SPAG5: variants seen among roughly 807,000 people sequenced by gnomAD.
SPAG5 encodes sperm associated antigen 5.
A neutral mutation model predicts 145.4 loss-of-function variants in SPAG5; 99 were observed. That is an observed-to-expected ratio of 0.68 (90% confidence interval 0.58 to 0.80). The LOEUF (loss-of-function observed/expected upper bound fraction) is 0.80. SPAG5 is among the 30% of genes least tolerant of loss of function. The probability of loss-of-function intolerance (pLI) is 0.00; values close to 1 mark genes in which losing one functional copy is unlikely to be tolerated. For missense variants in SPAG5, 1,192 were observed against 1,416.0 expected (o/e 0.84, Z 2.54); for synonymous variants, 477 against 525.4 (o/e 0.91, Z 1.26).
chr17:28,579,435 C>T lies in SPAG5; in HGVS notation c.2935G>A (p.Glu979Lys). 2 of 1,614,096 alleles carry T rather than the reference C, an allele frequency of 1.2e-6. No homozygotes were observed. Among genetic ancestry groups the T allele is most frequent in the Middle Eastern group, 1.7e-4 (1 of 6,060 alleles). Residue 979 changes from glutamate (E) to lysine (K), a missense_variant, in exon 18 of 24, where the codon GAG (glutamate) becomes AAG (lysine). Transcript: ENST00000321765. ...AGCAGGGAACAAAGACTCTGAAGCTCAGTAGTCATAATACTCATTTCTGCC... is the reference window on the plus strand; with the variant it reads ...AGCAGGGAACAAAGACTCTGAAGCTTAGTAGTCATAATACTCATTTCTGCC... ...SLAEMSIMTT[E>K]LQSLCSLLQE...
intron 2 of SPAG5, among the ~76,000 whole-genome samples, chr17:28,596,762 G>A (rs556822250): frequency 2.6e-5 from 4 of 152,240 alleles, no homozygotes; most frequent in East Asian, 1.9e-4. Flanking sequence ...ATCTTAAGCT[G>A]TACTGTCTAA....
chr17:28,598,951 A>T lies in SPAG5; in HGVS notation c.-5T>A, dbSNP rs755082186. Reference sequence around the variant, plus strand: ...CAGTTTTTTCACTCGCCACATCTTCAACCAGAAGGCAGGCCTATCACGTCT... The same window carrying T: ...CAGTTTTTTCACTCGCCACATCTTCTACCAGAAGGCAGGCCTATCACGTCT... On this transcript the variant is annotated 5_prime_UTR_variant, in exon 1 of 24. Coordinates refer to ENST00000321765, the MANE Select transcript of SPAG5 (RefSeq NM_006461.4). 6.2e-7 allele frequency: 1 copy of T among 1,613,888 alleles called. No individual in the cohort carries two copies. Among genetic ancestry groups the T allele is most frequent in the Non-Finnish European group, 8.5e-7 (1 of 1,179,854 alleles).
chr17:28,585,636 C>A lies in SPAG5; in HGVS notation c.1758G>T (p.Glu586Asp). The change falls in exon 8 of 24, where the codon GAG becomes GAT. Residue 586 changes from glutamate (E) to aspartate (D), a missense_variant. This residue lies in a region of SPAG5 where 709 missense variants were observed against 840.7 expected (regional missense o/e 0.84). Coordinates refer to ENST00000321765, the MANE Select transcript of SPAG5 (RefSeq NM_006461.4). ...RGKDAAEIVL[E>D]AFCAHASQRI... ...GCTGGCTGGCGTGTGCACAGAAAGC[C>A]TCCAACACTATCTCTGCCTATTGAG... The A allele has an allele frequency of 6.2e-7, 1 of 1,613,936 alleles. No individual in the cohort carries two copies. The highest frequency in any genetic ancestry group is 8.5e-7 in the Non-Finnish European group (1 of 1,180,032).
In SPAG5 at chr17:28,592,322, G is replaced by A. The variant is rs765203674; in HGVS notation, c.922C>T (p.Leu308=). The A allele has an allele frequency of 6.2e-7, 1 of 1,614,178 alleles. No individual in the cohort carries two copies. Among genetic ancestry groups the A allele is most frequent in the Non-Finnish European group, 8.5e-7 (1 of 1,180,032 alleles). Residue 308 remains leucine, a synonymous_variant, in exon 3 of 24, where the codon CTG becomes TTG. Coordinates refer to ENST00000321765, the MANE Select transcript of SPAG5 (RefSeq NM_006461.4). The part of the protein sequence containing the change: ...SSVEDILSTC[L]TPNLVEMESQ... ...TCCATTTCTACTAGATTTGGTGTCA[G>A]GCATGTGGACAGAATATCTTCCACA... is the stretch of plus-strand genomic sequence containing the variant.
chr17:28,596,041 C>T (rs1161804779), intron 2 of SPAG5, among the ~76,000 whole-genome samples: 5 of 149,576 alleles, frequency 3.3e-5, no homozygotes, highest in African/African-American at 4.9e-5. Context: ...AGCAAGACTC[C>T]GTCTCAAAAA....
In SPAG5 at chr17:28,584,738, C is replaced by T. The variant is rs1419451225; in HGVS notation, c.2075G>A (p.Arg692Lys). The change falls in exon 11 of 24, where the codon AGG becomes AAG. Residue 692 changes from arginine (R) to lysine (K), a missense_variant. This residue lies in a region of SPAG5 where 709 missense variants were observed against 840.7 expected (regional missense o/e 0.84). Coordinates refer to ENST00000321765, the MANE Select transcript of SPAG5 (RefSeq NM_006461.4). ...VAIEEKQEVSRVLEQVSAQLE... is the reference protein window; with the variant it reads ...VAIEEKQEVSKVLEQVSAQLE... ...CTGGGCAGAGACTTGTTCCAGCACC[C>T]TAGAAACCTAGGAAGAACAGATGGT... is the stretch of plus-strand genomic sequence containing the variant. 3 of 1,612,422 alleles carry T rather than the reference C, an allele frequency of 1.9e-6. No homozygotes were observed. The East Asian group carries it at 6.7e-5, about 36-fold the overall frequency.
chr17:28,583,134 C>A (rs1395055894), intron 15 of SPAG5, among the ~76,000 whole-genome samples: 1 of 152,178 alleles, frequency 6.6e-6, no homozygotes, highest in Non-Finnish European at 1.5e-5. Flanking sequence ...CACAACACTA[C>A]ACCTGGGCTA....
chr17:28,592,730 C>G lies in SPAG5; in HGVS notation c.514G>C (p.Glu172Gln), dbSNP rs1429916570. 4 of 1,614,222 alleles carry G rather than the reference C, an allele frequency of 2.5e-6. No individual in the cohort carries two copies. The Admixed American group carries it at 6.7e-5, about 27-fold the overall frequency. Residue 172 changes from glutamate (E) to glutamine (Q), a missense_variant, in exon 3 of 24, where the codon GAG becomes CAG. Glu to Gln is a conservative substitution (Grantham distance 29). Coordinates refer to ENST00000321765, the MANE Select transcript of SPAG5 (RefSeq NM_006461.4). ...GPLRTDDLVR[E>Q]EVAPCMGDRF... ...TCTCCCATGCAGGGTGCCACCTCCT[C>G]TCTCACCAGATCGTCTGTTCTCAAA...
Position 28,595,864 on chromosome 17 carries a change from T to C in SPAG5, c.177+2646A>G, listed in dbSNP as rs143191346. On this transcript the variant is annotated intron_variant, in intron 2 of 23. Coordinates refer to ENST00000321765, the MANE Select transcript of SPAG5 (RefSeq NM_006461.4). The stretch of plus-strand genomic sequence containing the variant: ...TTCAAGACCAGCCTGACCCCCAACA[T>C]GGTGAAACCCTGTCTCTACTAAAAA... Among the ~76,000 whole-genome samples the C allele has an allele frequency of 4.3e-4, 65 of 152,090 alleles. 2 individuals carry two copies. The East Asian group carries it at 0.01, about 24-fold the overall frequency.
intron 15 of SPAG5, among the ~76,000 whole-genome samples, chr17:28,581,800 T>C (rs2083627728): frequency 6.6e-6 from 1 of 152,212 alleles, no homozygotes; most frequent in Admixed American, 6.5e-5. Context: ...CCCTCCCGTC[T>C]GGGTGTCTGA....
At chr17:28,587,315 G>C (rs1333007104) in intron 4 of SPAG5, among the ~76,000 whole-genome samples, 1 of 151,554 alleles carries the variant, frequency 6.6e-6, no homozygotes, top group Non-Finnish European at 1.5e-5. Flanking sequence ...GGGAGGTCAA[G>C]GCGGGCGGAT....
rs1270470374 is a variant in SPAG5, at chr17:28,592,100, A to G, written c.1144T>C (p.Cys382Arg). The change falls in exon 3 of 24, where the codon TGC (cysteine) becomes CGC (arginine). Residue 382 changes from cysteine (C) to arginine (R), a missense_variant. This residue lies in a region of SPAG5 where 125 missense variants were observed against 143.8 expected (regional missense o/e 0.87). Transcript: ENST00000321765. ...GGAGTAAACCAAGTCCCCACCGAGC[A>G]AGTAGAGAAAGGGGTAGTGCCAATT... ...AAIGTTPFST[C>R]SVGTWFTPSA... 5.6e-6 allele frequency: 9 copies of G among 1,614,140 alleles called. No homozygotes were observed. The Admixed American group carries it at 6.7e-5, about 12-fold the overall frequency.
intron 2 of SPAG5, among the ~76,000 whole-genome samples, chr17:28,596,887 C>T (rs1318931836): frequency 6.6e-6 from 1 of 151,742 alleles, no homozygotes; most frequent in Non-Finnish European, 1.5e-5. Context: ...GGGCAGATCA[C>T]CTGAGGTCAG....
chr17:28,585,025 A>C, intron 10 of SPAG5, 77 bp downstream of exon 10: 3 of 1,349,468 alleles, frequency 2.2e-6, no homozygotes, highest in Middle Eastern at 3.6e-4. Context: ...AAGAAAACAG[A>C]TCCAGGGTAA....
chr17:28,579,856 A>C lies in SPAG5; in HGVS notation c.2798-19T>G. On this transcript the variant is annotated intron_variant, in intron 16 of 23. Coordinates refer to ENST00000321765, the MANE Select transcript of SPAG5 (RefSeq NM_006461.4). ...TCTGGCTCTAAGAGAAAAACCAATA[A>C]TGGGAGAGGGCCCCTCTGATGATCC... 1.9e-6 allele frequency: 3 copies of C among 1,605,078 alleles called. No individual in the cohort carries two copies. The highest frequency in any genetic ancestry group is 1.7e-6 in the Non-Finnish European group (2 of 1,171,814).
chr17:28,579,307 C>A, intron 18 of SPAG5, 55 bp from the exon 19 acceptor site: 2 of 1,613,528 alleles, frequency 1.2e-6, no homozygotes, highest in East Asian at 4.5e-5. Flanking sequence ...TCAGTTGGAC[C>A]CTTGGCATAA....
Position 28,591,699 on chromosome 17 carries a change from C to T in SPAG5, c.1436G>A (p.Gly479Glu), listed in dbSNP as rs768520641. ...SSTQTDTSHSGITNKLQHLKE... is the reference protein window; with the variant it reads ...SSTQTDTSHSEITNKLQHLKE... ...AAGCTTTGAGAGGAACCTTCTTACCCCACTGTGAGATGTGTCAGTCTGTGT... is the reference window on the plus strand; with the variant it reads ...AAGCTTTGAGAGGAACCTTCTTACCTCACTGTGAGATGTGTCAGTCTGTGT... Residue 479 changes from glycine to glutamate, a missense_variant and splice_region_variant, in exon 4 of 24, where the codon GGG becomes GAG. By Grantham distance (98) the Gly-to-Glu change is moderately conservative (BLOSUM62 -2). Coordinates refer to ENST00000321765, the MANE Select transcript of SPAG5 (RefSeq NM_006461.4). The T allele has an allele frequency of 4.4e-6, 7 of 1,604,372 alleles. No homozygotes were observed. The South Asian group carries it at 6.6e-5, about 15-fold the overall frequency.
chr17:28,594,946 C>A (rs1459675306), intron 2 of SPAG5, among the ~76,000 whole-genome samples: 1 of 151,106 alleles, frequency 6.6e-6, no homozygotes, highest in Non-Finnish European at 1.5e-5. Flanking sequence ...GGTAACAGAG[C>A]AAGACCCTGT....
In SPAG5 at chr17:28,592,370, C is replaced by T. The variant is rs1211711393; in HGVS notation, c.874G>A (p.Glu292Lys). The T allele has an allele frequency of 9.3e-6, 15 of 1,614,058 alleles. No homozygotes were observed. The East Asian group carries it at 3.3e-4, about 36-fold the overall frequency. ...ACACTTGAGACAAGTGCTTGATCTTCTGTTTCAGACTCCTTAGGATGTGTG... is the reference window on the plus strand; with the variant it reads ...ACACTTGAGACAAGTGCTTGATCTTTTGTTTCAGACTCCTTAGGATGTGTG... Reference protein sequence around the residue: ...FPTHPKESETEDQALVSSVED... With the variant: ...FPTHPKESETKDQALVSSVED... The change falls in exon 3 of 24, where the codon GAA (glutamate) becomes AAA (lysine). Residue 292 changes from glutamate to lysine, a missense_variant. Glu to Lys is a moderately conservative substitution (Grantham distance 56, BLOSUM62 1). This residue lies in a region of SPAG5 where 329 missense variants were observed against 354.0 expected (regional missense o/e 0.93). Coordinates refer to ENST00000321765, the MANE Select transcript of SPAG5 (RefSeq NM_006461.4).
Sources: gnomAD v4.1 joint callset for allele counts (sites outside exome capture counted in the v4.1 genomes callset) on GRCh38, gnomAD v4.1.1 for gene constraint, gnomAD v4.1.1 regional missense constraint, MANE v1.5 for transcripts, NCBI Gene and HGNC (gene_info 2026-07-23, HGNC 2026-07-21) for gene names.